Variants in ZNF679 observed in about 807,000 individuals in gnomAD.
The protein encoded by ZNF679 is zinc finger protein 679.
In ZNF679, 10 loss-of-function variants were observed where a neutral mutation model predicts 13.4. The ratio of observed to expected loss-of-function variants is 0.75; its 90% CI spans 0.46 to 1.27. ZNF679 has a LOEUF of 1.27. Ranked by LOEUF, ZNF679 falls within the 50% of genes most tolerant of loss-of-function variation. The pLI, the probability that ZNF679 is intolerant of heterozygous loss-of-function variation, is 0.00. For synonymous variants in ZNF679, 179 were observed against 162.5 expected, an observed-to-expected ratio of 1.10 and a Z score of -0.77; for missense variants, 525 against 477.8, an observed-to-expected ratio of 1.10 and a Z score of -0.92.
intron 1 of ZNF679, among the ~76,000 whole-genome samples, chr7:64,228,927 G>A (rs1787598612): frequency 6.6e-6 from 1 of 152,190 alleles, no homozygotes; most frequent in Non-Finnish European, 1.5e-5. Flanking sequence ...TTGTTGGCTA[G>A]GTATGCATAG....
At position 64,249,132 on chromosome 7, in the gene ZNF679, G is replaced by A. The variant is rs746179983; in HGVS notation, c.15G>A (p.Pro5=). Reference sequence around the variant, plus strand: ...TCCGCAGATTTATGGCTAAAAGACCGGGATCCCCTGGAAGCCGAGAAATGG... The same window carrying A: ...TCCGCAGATTTATGGCTAAAAGACCAGGATCCCCTGGAAGCCGAGAAATGG... MAKR[P]GSPGSREMGL... Residue 5 remains proline (P), a synonymous_variant, in exon 2 of 5, where the codon CCG becomes CCA. Coordinates refer to ENST00000421025, the MANE Select transcript of ZNF679 (RefSeq NM_153363.3). The A allele has an allele frequency of 4.3e-6, 7 of 1,614,110 alleles. No individual in the cohort carries two copies. The highest frequency in any genetic ancestry group is 5.9e-6 in the Non-Finnish European group (7 of 1,180,012).
In ZNF679 at chr7:64,266,741, C is replaced by A. The variant is rs755034874; in HGVS notation, c.1108C>A (p.His370Asn). 3.1e-6 allele frequency: 5 copies of A among 1,611,282 alleles called. No individual in the cohort carries two copies. Among genetic ancestry groups the A allele is most frequent in the African/African-American group, 1.3e-5 (1 of 74,792 alleles). ...AFAFSSTLNT[H>N]KRIHTGEEPY... ...TGCCTTCTCCTCAACTCTTAATACT[C>A]ATAAGAGGATTCATACTGGAGAGGA... The change falls in exon 5 of 5, where the codon CAT (histidine) becomes AAT (asparagine). Residue 370 changes from histidine to asparagine, a missense_variant. Transcript: ENST00000421025.
intron 4 of ZNF679, 73 bp downstream of exon 4, chr7:64,261,002 A>C: frequency 6.9e-7 from 1 of 1,452,648 alleles, no homozygotes; most frequent in Non-Finnish European, 9.3e-7. Flanking sequence ...AGTCCTTAAA[A>C]TGTGATTTGG....
intron 1 of ZNF679, among the ~76,000 whole-genome samples, chr7:64,247,785 C>T (rs1409224057): frequency 4.6e-5 from 7 of 151,878 alleles, no homozygotes; most frequent in Non-Finnish European, 1.5e-5. Flanking sequence ...CTCCTGACTT[C>T]AGGTGGTCGA....
chr7:64,246,648 G>A (rs886391635), intron 1 of ZNF679, among the ~76,000 whole-genome samples: 4 of 152,028 alleles, frequency 2.6e-5, no homozygotes, highest in Admixed American at 6.6e-5. Context: ...TCTTGAACCC[G>A]GGAGGCAGAG....
intron 4 of ZNF679, 76 bp downstream of exon 4, chr7:64,261,005 T>A: frequency 7.0e-7 from 1 of 1,421,186 alleles, no homozygotes; most frequent in Non-Finnish European, 9.5e-7. Context: ...CCTTAAAATG[T>A]GATTTGGGGA....
intron 4 of ZNF679, among the ~76,000 whole-genome samples, chr7:64,261,839 C>G (rs1440002607): frequency 6.7e-6 from 1 of 148,174 alleles, no homozygotes. Flanking sequence ...TTAGTTTAAT[C>G]ATTTGTCCAA....
intron 2 of ZNF679, among the ~76,000 whole-genome samples, chr7:64,258,786 C>G (rs1302463931): frequency 6.6e-6 from 1 of 150,942 alleles, no homozygotes; most frequent in Non-Finnish European, 1.5e-5. Context: ...TCTGCTTGTG[C>G]TGTTTATACC....
chr7:64,250,663 A>G (rs1235894426), intron 2 of ZNF679, among the ~76,000 whole-genome samples: 2 of 151,570 alleles, frequency 1.3e-5, no homozygotes, highest in South Asian at 2.1e-4. Context: ...ATCTTGCCTC[A>G]TTACAACCTC....
intron 2 of ZNF679, among the ~76,000 whole-genome samples, chr7:64,254,512 ACT>A (rs1213494257): frequency 6.6e-6 from 1 of 151,410 alleles, no homozygotes; most frequent in Non-Finnish European, 1.5e-5. Flanking sequence ...TTTCCATTTC[ACT>A]GTTTCTTGGT....
chr7:64,252,212 C>T (rs764395855), intron 2 of ZNF679, among the ~76,000 whole-genome samples: 7 of 152,134 alleles, frequency 4.6e-5, no homozygotes, highest in Non-Finnish European at 7.4e-5. Context: ...GATAGTTTGA[C>T]TTGACACATG....
chr7:64,259,800 C>T (rs183087905), intron 2 of ZNF679, among the ~76,000 whole-genome samples: 150 of 152,116 alleles, frequency 9.9e-4, no homozygotes, highest in Admixed American at 1.6e-3. Context: ...TGGTGGCTCA[C>T]GCCTGTAGTC....
intron 1 of ZNF679, among the ~76,000 whole-genome samples, chr7:64,240,737 C>G (rs2116517203): frequency 6.6e-6 from 1 of 152,290 alleles, no homozygotes; most frequent in Non-Finnish European, 1.5e-5. Context: ...AGTAATGGAA[C>G]TAATACCTGG....
chr7:64,249,553 T>C (rs574273765), intron 2 of ZNF679, among the ~76,000 whole-genome samples: 1 of 152,294 alleles, frequency 6.6e-6, no homozygotes, highest in South Asian at 2.1e-4. Flanking sequence ...TTTAGAAATG[T>C]ATGGGAGTCA....
chr7:64,238,590 G>A (rs60456251), intron 1 of ZNF679, among the ~76,000 whole-genome samples: 6,447 of 152,202 alleles, frequency 0.042, 148 homozygotes, highest in Non-Finnish European at 0.051. Context: ...GTTTCACCAT[G>A]TTGACCAGAC....
intron 1 of ZNF679, among the ~76,000 whole-genome samples, chr7:64,236,062 C>G (rs908079442): frequency 1.3e-5 from 2 of 151,716 alleles, no homozygotes; most frequent in East Asian, 2.0e-4. Context: ...GTCAGGAGTT[C>G]AAGACCAGCC....
chr7:64,254,717 C>T (rs1787981424), intron 2 of ZNF679, among the ~76,000 whole-genome samples: 1 of 152,002 alleles, frequency 6.6e-6, no homozygotes, highest in Admixed American at 6.6e-5. Flanking sequence ...TGAGACTGAG[C>T]TCTGAATTAT....
rs1830036 is a variant in ZNF679, at chr7:64,266,300, T to G, written c.667T>G (p.Cys223Gly). The change falls in exon 5 of 5, where the codon TGC becomes GGC. Residue 223 changes from cysteine (C) to glycine (G), a missense_variant. By Grantham distance (159) the Cys-to-Gly change is radical. Coordinates refer to ENST00000421025, the MANE Select transcript of ZNF679 (RefSeq NM_153363.3). ...TGAAGAATGCGGCAAACCCTTCAAC[T>G]GCTCTTCAACCCTTTCTAAACATAA... ...QCEECGKPFN[C>G]SSTLSKHKRI... 6.2e-7 allele frequency: 1 copy of G among 1,607,172 alleles called. No homozygotes were observed. Among genetic ancestry groups the G allele is most frequent in the Non-Finnish European group, 8.5e-7 (1 of 1,176,670 alleles).
At chr7:64,231,012 G>A (rs1158114123) in intron 1 of ZNF679, among the ~76,000 whole-genome samples, 1 of 152,202 alleles carries the variant, frequency 6.6e-6, no homozygotes, top group African/African-American at 2.4e-5. Flanking sequence ...TGTCCATGTG[G>A]CAAAGTGACA....
Sources: allele counts gnomAD v4.1 joint callset (sites outside exome capture counted in the v4.1 genomes callset), GRCh38; gene constraint gnomAD v4.1.1; transcripts MANE v1.5; gene names NCBI Gene and HGNC (gene_info 2026-07-23, HGNC 2026-07-21).